The following RIPPLY3 variants were observed in gnomAD, a reference collection of about 807,000 sequenced individuals.
RIPPLY3 encodes protein ripply3.
Under a neutral mutation model 11.9 loss-of-function variants are expected in RIPPLY3, and 8 were observed. The observed-to-expected ratio is 0.67, with a 90% CI of 0.40 to 1.21. The LOEUF is 1.21. Among genes scored for constraint, RIPPLY3 ranks in the 50% most tolerant of loss-of-function variants. The pLI is 0.01. For missense variants in RIPPLY3, 271 were observed against 246.0 expected (o/e 1.10, Z -0.68); for synonymous variants, 102 against 99.0 (o/e 1.03, Z -0.18).
chr21:37,013,743 A>T, intron 3 of RIPPLY3, 125 bp downstream of exon 3: 1 of 661,980 alleles, frequency 1.5e-6, no homozygotes, highest in Non-Finnish European at 2.5e-6. Flanking sequence ...ATTCTTTGGT[A>T]TTGTTTAGTT....
upstream of RIPPLY3, chr21:37,006,688 G>A (rs1601093312): frequency 1.1e-5 from 10 of 875,072 alleles, no homozygotes; most frequent in East Asian, 3.6e-5. The surrounding 1 kb of genome is among the most constrained non-coding windows in gnomAD (Gnocchi z 5.2). Context: ...CCTGGCGCGC[G>A]GGTAGGTGAG....
In RIPPLY3 at chr21:37,011,797, C is replaced by CA. The variant is rs370994718; in HGVS notation, c.172-1748dup. ...TGAAACCCCATCTCTACTAAAAATA[C>CA]AAAAAATTAGCCGGGCGTGGTGGCA... On this transcript the variant is annotated intron_variant, in intron 2 of 3. Coordinates refer to ENST00000329553, the MANE Select transcript of RIPPLY3 (RefSeq NM_018962.3). 8.1e-3 allele frequency among the ~76,000 whole-genome samples: 1,226 copies of CA among 151,680 alleles called. 19 individuals are homozygous for CA. Among genetic ancestry groups the CA allele is most frequent in the African/African-American group, 0.028 (1,158 of 41,336 alleles).
At chr21:37,012,903 C>T (rs1019047195) in intron 2 of RIPPLY3, among the ~76,000 whole-genome samples, 1 of 145,450 alleles carries the variant, frequency 6.9e-6, no homozygotes, top group East Asian at 2.0e-4. Flanking sequence ...GTCGCTCTGT[C>T]GTCCAGGCTG....
intron 3 of RIPPLY3, among the ~76,000 whole-genome samples, chr21:37,017,183 G>C (rs1161494492): frequency 6.6e-6 from 1 of 151,610 alleles, no homozygotes; most frequent in Non-Finnish European, 1.5e-5. Flanking sequence ...TTACAGGGAG[G>C]GGGTATCTTA....
rs2069607706 is a variant in RIPPLY3, at chr21:37,018,684, A to G, written c.*477A>G. 1.3e-5 allele frequency: 2 copies of G among 153,076 alleles called. No homozygotes were observed. Among genetic ancestry groups the G allele is most frequent in the African/African-American group, 4.8e-5 (2 of 41,382 alleles). The allele number at this position is 153,076 out of a possible 1,614,324, so 9.5% of individuals were successfully genotyped here. On this transcript the variant is annotated 3_prime_UTR_variant, in exon 4 of 4. Transcript: ENST00000329553. ...TTGCTTAGTAGCATTTTGGAAAAAA[A>G]AGAAAAAAAGGTTTGGTTTGGTTTT...
chr21:37,006,341 T>G (rs2069462569), upstream of RIPPLY3: 1 of 155,620 alleles, frequency 6.4e-6, no homozygotes, highest in African/African-American at 2.4e-5. The surrounding 1 kb of genome is among the most constrained non-coding windows in gnomAD (Gnocchi z 5.2). Flanking sequence ...TCCCGCTGTC[T>G]CCAGCCCGAG....
chr21:37,011,929 CAAAAAAAAAAAAAAA>C (rs59382996), intron 2 of RIPPLY3, among the ~76,000 whole-genome samples: 2 of 47,102 alleles, frequency 4.2e-5, no homozygotes, highest in Admixed American at 3.6e-4. Flanking sequence ...GACTCCGTCT[CAAAAAAAAAAAAAAA>C]AAAAAAAAAA....
chr21:37,012,253 T>TATTATTATTA, intron 2 of RIPPLY3, among the ~76,000 whole-genome samples: 1 of 148,876 alleles, frequency 6.7e-6, no homozygotes, highest in Admixed American at 6.8e-5. Context: ...TTATTATTAT[T>TATTATTATTA]TTTGAGACGG....
chr21:37,009,703 C>A (rs138372648), intron 2 of RIPPLY3, among the ~76,000 whole-genome samples: 272 of 152,308 alleles, frequency 1.8e-3, no homozygotes, highest in African/African-American at 6.1e-3. Context: ...CTAAGTAAGA[C>A]AGATGGTTTT....
chr21:37,017,261 A>C (rs2069588860), intron 3 of RIPPLY3, among the ~76,000 whole-genome samples: 1 of 150,694 alleles, frequency 6.6e-6, no homozygotes, highest in Non-Finnish European at 1.5e-5. Flanking sequence ...CAAATTTTAC[A>C]TACTTAAGCA....
At chr21:37,011,954 A>G (rs2146775386) in intron 2 of RIPPLY3, among the ~76,000 whole-genome samples, 1 of 150,628 alleles carries the variant, frequency 6.6e-6, no homozygotes, top group African/African-American at 2.4e-5. Context: ...AAAAAAAAAA[A>G]AAAATGGCAG....
In RIPPLY3 at chr21:37,006,931, T is replaced by C. The variant is rs2069470476; in HGVS notation, c.104+55T>C. The C allele has an allele frequency of 6.7e-6, 7 of 1,040,608 alleles. No homozygotes were observed. The Admixed American group carries it at 3.1e-4, about 46-fold the overall frequency. 64.5% of individuals were successfully genotyped at this position (1,040,608 alleles called of 1,614,324 possible). A position where few individuals can be genotyped will look rare whatever the true frequency, so the allele number is the denominator to read the frequency against. On this transcript the variant is annotated intron_variant, in intron 1 of 3. Coordinates refer to ENST00000329553, the MANE Select transcript of RIPPLY3 (RefSeq NM_018962.3). The surrounding 1 kb of genome is among the most constrained non-coding windows in gnomAD (Gnocchi z 5.2). ...CGCTGAGAGGCGTGCGCGGTGGCGG[T>C]GCGGGGAGCGCAGCGAGCGGGAGGC...
intron 2 of RIPPLY3, among the ~76,000 whole-genome samples, chr21:37,011,691 G>A (rs1010237971): frequency 1.3e-5 from 2 of 152,126 alleles, no homozygotes; most frequent in Admixed American, 1.3e-4. Context: ...CTGGGGCCGG[G>A]CGCGATGTCT....
intron 2 of RIPPLY3, among the ~76,000 whole-genome samples, chr21:37,008,998 T>C (rs916220966): frequency 1.3e-5 from 2 of 152,080 alleles, no homozygotes; most frequent in African/African-American, 4.8e-5. Flanking sequence ...ACCCCGCGTC[T>C]GGCCCTTTCT....
chr21:37,009,433 A>G (rs529408627), intron 2 of RIPPLY3, among the ~76,000 whole-genome samples: 1 of 152,352 alleles, frequency 6.6e-6, no homozygotes, highest in Non-Finnish European at 1.5e-5. Flanking sequence ...AATATTGGGA[A>G]TTTTAATTTA....
At chr21:37,006,305 T>TA (rs2069462321), upstream of RIPPLY3, 1 of 153,044 alleles carries the variant, frequency 6.5e-6, no homozygotes, top group African/African-American at 2.4e-5. The surrounding 1 kb of genome is among the most constrained non-coding windows in gnomAD (Gnocchi z 5.2). Flanking sequence ...GGGCCTCGCT[T>TA]TCCTCTCCCG....
At chr21:37,010,597 A>C (rs74611495) in intron 2 of RIPPLY3, among the ~76,000 whole-genome samples, 2,297 of 152,236 alleles carry the variant, frequency 0.015, 39 homozygotes, top group East Asian at 0.074. Flanking sequence ...CCCCTACAAC[A>C]CTTAGGGAGC....
rs772686919 is a variant in RIPPLY3 at position 37,018,284 on chromosome 21, A to C, written c.*77A>C. On this transcript the variant is annotated 3_prime_UTR_variant, in exon 4 of 4. Coordinates refer to ENST00000329553, the MANE Select transcript of RIPPLY3 (RefSeq NM_018962.3). The stretch of plus-strand genomic sequence containing the variant: ...TTGGGGACACCCGAGCCAGGACACT[A>C]CGCATCCCTGCTGAGTGTGCAGAGG... 4.9e-6 allele frequency: 6 copies of C among 1,234,404 alleles called. No individual in the cohort carries two copies. The highest frequency in any genetic ancestry group is 5.9e-6 in the Non-Finnish European group (5 of 848,640). 76.5% of individuals were successfully genotyped at this position (1,234,404 alleles called of 1,614,324 possible).
At position 37,018,129 on chromosome 21, in the gene RIPPLY3, AG is replaced by A. The variant is rs1271699272; in HGVS notation, c.500del (p.Gly167ValfsTer55). 6.2e-7 allele frequency: 1 copy of A among 1,613,984 alleles called. No homozygotes were observed. On this transcript the variant is annotated frameshift_variant, in exon 4 of 4. Transcript: ENST00000329553. LOFTEE classifies it low-confidence loss of function (END_TRUNC). ...GINQGQRSSG[G>X]GDHWGEGPLP... ...TCAACCAAGGGCAGCGATCCTCAGG[AG>A]GGGGTGACCACTGGGGGGAGGGTCC...
Sources: gnomAD v4.1 joint callset for allele counts (sites outside exome capture counted in the v4.1 genomes callset) on GRCh38, gnomAD v4.1.1 for gene constraint, Gnocchi (gnomAD v3.1) non-coding constraint, MANE v1.5 for transcripts, NCBI Gene and HGNC (gene_info 2026-07-23, HGNC 2026-07-21) for gene names.